Variants in TMEM108 observed in about 807,000 individuals in gnomAD.
TMEM108 encodes cancer/testis antigen 124.
TMEM108 carries 12 observed loss-of-function variants against 35.1 expected under a neutral mutation model. That is an observed-to-expected ratio of 0.34 (90% CI 0.22 to 0.55). The LOEUF (loss-of-function observed/expected upper bound fraction) is 0.55, where lower values mean the gene tolerates loss of function less well. Among genes scored for constraint, TMEM108 ranks in the 20% least tolerant of loss-of-function variants. The pLI, the probability that TMEM108 is intolerant of heterozygous loss-of-function variation, is 0.89. For synonymous variants in TMEM108, 287 were observed against 308.6 expected, an observed-to-expected ratio of 0.93 and a Z score of 0.73; for missense variants, 680 against 753.3, an observed-to-expected ratio of 0.90 and a Z score of 1.14.
chr3:133,393,879 G>A (rs1202993475), intron 5 of TMEM108, among the ~76,000 whole-genome samples: 1 of 152,220 alleles, frequency 6.6e-6, no homozygotes, highest in Non-Finnish European at 1.5e-5. Flanking sequence ...CACGAGGGCT[G>A]CCGTCCAACA....
At chr3:133,367,864 G>A (rs1002980495) in intron 3 of TMEM108, among the ~76,000 whole-genome samples, 2 of 152,192 alleles carry the variant, frequency 1.3e-5, no homozygotes, top group Admixed American at 6.5e-5. Context: ...TTTTGTGAGG[G>A]GAGAGAAAGT....
chr3:133,127,349 G>C (rs1241615269), intron 2 of TMEM108, among the ~76,000 whole-genome samples: 3 of 152,174 alleles, frequency 2.0e-5, no homozygotes, highest in Non-Finnish European at 4.4e-5. Context: ...TGCCATGTTG[G>C]ACAGCACAGA....
At chr3:133,213,069 A>G (rs79243714) in intron 2 of TMEM108, among the ~76,000 whole-genome samples, 1 of 152,124 alleles carries the variant, frequency 6.6e-6, no homozygotes, top group Admixed American at 6.5e-5. Flanking sequence ...ATGCTATAAA[A>G]AAGCCTGAGA....
Position 133,308,100 on chromosome 3 carries a change from G to A in TMEM108, c.41-71652G>A, listed in dbSNP as rs1018608908. On this transcript the variant is annotated intron_variant, in intron 3 of 5. Coordinates refer to ENST00000321871, the MANE Select transcript of TMEM108 (RefSeq NM_023943.4). ...CATCCCTTGTAAGTTGGATTCCTAG[G>A]TATTTTATTCTGTTTGTAGCAATTG... 2.0e-5 allele frequency among the ~76,000 whole-genome samples: 3 copies of A among 152,026 alleles called. No individual in the cohort carries two copies. In the South Asian group the frequency reaches 6.2e-4, roughly 32 times the overall value.
intron 3 of TMEM108, among the ~76,000 whole-genome samples, chr3:133,245,357 G>A (rs1161102356): frequency 6.6e-6 from 1 of 152,170 alleles, no homozygotes; most frequent in Non-Finnish European, 1.5e-5. Flanking sequence ...CCTTCTTCAA[G>A]CACTTCAACT....
intron 3 of TMEM108, among the ~76,000 whole-genome samples, chr3:133,251,486 A>G (rs1946470251): frequency 6.6e-6 from 1 of 152,172 alleles, no homozygotes; most frequent in African/African-American, 2.4e-5. Context: ...GACTTAACAT[A>G]AGAAAAGTTT....
chr3:133,090,893 A>T (rs1288981453), intron 2 of TMEM108, among the ~76,000 whole-genome samples: 1 of 152,184 alleles, frequency 6.6e-6, no homozygotes, highest in Non-Finnish European at 1.5e-5. Context: ...ATTTATTAAC[A>T]TACTGCTTTT....
intron 2 of TMEM108, among the ~76,000 whole-genome samples, chr3:133,195,537 C>T (rs1945563866): frequency 6.6e-6 from 1 of 152,088 alleles, no homozygotes; most frequent in South Asian, 2.1e-4. Context: ...TGTTGTGGCT[C>T]TTAACCTACA....
intron 2 of TMEM108, among the ~76,000 whole-genome samples, chr3:133,218,789 T>G (rs1945945732): frequency 6.6e-6 from 1 of 152,120 alleles, no homozygotes; most frequent in Admixed American, 6.5e-5. Context: ...GCAAGCATTT[T>G]GTTGAGGATT....
chr3:133,108,440 T>A lies in TMEM108; in HGVS notation c.-47+62420T>A, dbSNP rs1208966649. ...TTCTTTTGAGAAGTGTCTGTTCATATCATTTGCCCACTTTTTGATGGGGTC... is the reference window on the plus strand; with the variant it reads ...TTCTTTTGAGAAGTGTCTGTTCATAACATTTGCCCACTTTTTGATGGGGTC... On this transcript the variant is annotated intron_variant, in intron 2 of 5. Coordinates refer to ENST00000321871, the MANE Select transcript of TMEM108 (RefSeq NM_023943.4). Among the ~76,000 whole-genome samples, 23 of 152,294 alleles carry A rather than the reference T, an allele frequency of 1.5e-4. 1 individual carries two copies. The highest frequency in any genetic ancestry group is 1.2e-3 in the Admixed American group (19 of 15,298).
chr3:133,230,774 G>A lies in TMEM108; in HGVS notation c.40+1423G>A, dbSNP rs550489160. Among the ~76,000 whole-genome samples the A allele has an allele frequency of 1.1e-4, 16 of 152,264 alleles. No homozygotes were observed. The South Asian group carries it at 2.1e-3, about 20-fold the overall frequency. Reference sequence around the variant, plus strand: ...AAAGTTTGCATAATATTTTAGGGTCGTATGTTATTTGAAAGGCATCAGTAA... The same window carrying A: ...AAAGTTTGCATAATATTTTAGGGTCATATGTTATTTGAAAGGCATCAGTAA... On this transcript the variant is annotated intron_variant, in intron 3 of 5. Transcript: ENST00000321871.
chr3:133,234,749 A>G (rs573080257), intron 3 of TMEM108, among the ~76,000 whole-genome samples: 205 of 152,290 alleles, frequency 1.3e-3, no homozygotes, highest in African/African-American at 4.6e-3. Context: ...AGTTCTGGTC[A>G]GGGCAATTAG....
intron 2 of TMEM108, among the ~76,000 whole-genome samples, chr3:133,218,858 C>G (rs1945946758): frequency 6.6e-6 from 1 of 151,976 alleles, no homozygotes; most frequent in African/African-American, 2.4e-5. Context: ...TGTAGTATCC[C>G]TGTCTGGCTT....
chr3:133,275,917 T>C (rs1167618560), intron 3 of TMEM108, among the ~76,000 whole-genome samples: 2 of 152,204 alleles, frequency 1.3e-5, no homozygotes, highest in African/African-American at 4.8e-5. Context: ...CAGTATTTGC[T>C]TAGTTGCTTT....
chr3:133,166,466 C>T (rs557164043), intron 2 of TMEM108, among the ~76,000 whole-genome samples: 1 of 152,358 alleles, frequency 6.6e-6, no homozygotes, highest in African/African-American at 2.4e-5. Context: ...GTGAGCGTTA[C>T]AGTTCTTAAA....
At chr3:133,368,828 A>G (rs1046215823) in intron 3 of TMEM108, among the ~76,000 whole-genome samples, 2 of 152,200 alleles carry the variant, frequency 1.3e-5, no homozygotes, top group African/African-American at 2.4e-5. Context: ...CTTATGATGT[A>G]TCAGATAGTG....
intron 3 of TMEM108, among the ~76,000 whole-genome samples, chr3:133,373,934 A>G (rs2072754902): frequency 6.6e-6 from 1 of 152,230 alleles, no homozygotes; most frequent in African/African-American, 2.4e-5. Context: ...AGCAGTGGCC[A>G]GGGTCATCTT....
At chr3:133,197,826 A>G (rs1055123117) in intron 2 of TMEM108, among the ~76,000 whole-genome samples, 1 of 152,202 alleles carries the variant, frequency 6.6e-6, no homozygotes. Flanking sequence ...CATGAGAGTC[A>G]TAAGGAAGTG....
intron 2 of TMEM108, among the ~76,000 whole-genome samples, chr3:133,206,402 C>T (rs1945754731): frequency 6.6e-6 from 1 of 152,200 alleles, no homozygotes; most frequent in African/African-American, 2.4e-5. Context: ...GAATTTTCAG[C>T]CTTTTTGGGC....
Sources: allele counts gnomAD v4.1 joint callset (sites outside exome capture counted in the v4.1 genomes callset), GRCh38; gene constraint gnomAD v4.1.1; transcripts MANE v1.5; gene names NCBI Gene and HGNC (gene_info 2026-07-23, HGNC 2026-07-21).